Variants in B3GLCT observed in about 807,000 individuals in gnomAD.
The protein encoded by B3GLCT is beta-1,3-glucosyltransferase.
In B3GLCT, 65 loss-of-function variants were observed where a neutral mutation model predicts 63.4. That is an observed-to-expected ratio of 1.03 (90% CI 0.84 to 1.26). B3GLCT has a LOEUF of 1.26. Among genes scored for constraint, B3GLCT ranks in the 50% most tolerant of loss-of-function variants. The pLI is 0.00. For missense variants in B3GLCT, 577 were observed against 604.8 expected, an observed-to-expected ratio of 0.95 and a Z score of 0.48; for synonymous variants, 233 against 219.2, an observed-to-expected ratio of 1.06 and a Z score of -0.55.
At chr13:31,280,776 T>G (rs977801821) in intron 10 of B3GLCT, among the ~76,000 whole-genome samples, 1 of 152,220 alleles carries the variant, frequency 6.6e-6, no homozygotes, top group Non-Finnish European at 1.5e-5. Context: ...CTGACTTAAG[T>G]GAAACAGCAT....
At chr13:31,262,256 C>G (rs1872069664) in intron 7 of B3GLCT, among the ~76,000 whole-genome samples, 2 of 152,206 alleles carry the variant, frequency 1.3e-5, no homozygotes, top group Non-Finnish European at 2.9e-5. Flanking sequence ...CATGAGCCAT[C>G]TATATGCTTT....
At chr13:31,281,580 C>T (rs906054262) in intron 10 of B3GLCT, among the ~76,000 whole-genome samples, 1 of 152,146 alleles carries the variant, frequency 6.6e-6, no homozygotes, top group Non-Finnish European at 1.5e-5. Flanking sequence ...GATTGCCCTA[C>T]AGTGTTGTGT....
In B3GLCT at chr13:31,329,633, C is replaced by A. The variant is rs1399744680; in HGVS notation, c.1462C>A (p.Gln488Lys). ...LAPSDEDKAR[Q>K]ETQKGFREEL ...ACCCAGTGACGAAGACAAAGCCAGG[C>A]AGGAGACACAGAAAGGTTTTCGAGA... The change falls in exon 15 of 15, where the codon CAG becomes AAG. Residue 488 changes from glutamine to lysine, a missense_variant. Physicochemically the swap from Gln to Lys is moderately conservative, Grantham distance 53. Coordinates refer to ENST00000343307, the MANE Select transcript of B3GLCT (RefSeq NM_194318.4). The A allele has an allele frequency of 6.2e-7, 1 of 1,614,182 alleles. No individual in the cohort carries two copies. The highest frequency in any genetic ancestry group is 8.5e-7 in the Non-Finnish European group (1 of 1,180,048).
intron 4 of B3GLCT, among the ~76,000 whole-genome samples, chr13:31,245,020 A>T (rs1871134374): frequency 6.6e-6 from 1 of 152,164 alleles, no homozygotes; most frequent in Non-Finnish European, 1.5e-5. Flanking sequence ...GTGTTCACAA[A>T]CTGAAGCAAA....
chr13:31,256,144 C>T (rs1871727686), intron 6 of B3GLCT, among the ~76,000 whole-genome samples: 1 of 152,128 alleles, frequency 6.6e-6, no homozygotes, highest in Non-Finnish European at 1.5e-5. Context: ...ACAGACAATT[C>T]TCAAGACATT....
chr13:31,259,107 T>C (rs917442484), intron 6 of B3GLCT, among the ~76,000 whole-genome samples: 2 of 152,234 alleles, frequency 1.3e-5, no homozygotes, highest in African/African-American at 4.8e-5. Flanking sequence ...TTCATTTGGC[T>C]CTTGTTTATA....
At chr13:31,256,109 A>G (rs892993928) in intron 6 of B3GLCT, among the ~76,000 whole-genome samples, 4 of 152,216 alleles carry the variant, frequency 2.6e-5, no homozygotes, top group Admixed American at 2.0e-4. Context: ...AAAGAACGCC[A>G]TCAAAAAGTA....
chr13:31,257,380 G>A (rs932749), intron 6 of B3GLCT, among the ~76,000 whole-genome samples: 59,459 of 151,368 alleles, frequency 0.39, 12,347 homozygotes, highest in Non-Finnish European at 0.47. Flanking sequence ...TTTTTTTAAG[G>A]TGTTGTATTT....
At chr13:31,279,746 G>T (rs1397123201) in intron 10 of B3GLCT, among the ~76,000 whole-genome samples, 1 of 152,144 alleles carries the variant, frequency 6.6e-6, no homozygotes, top group Non-Finnish European at 1.5e-5. Context: ...TTATTACGCA[G>T]GAATTTCCTC....
chr13:31,243,928 A>G (rs989727505), intron 4 of B3GLCT, among the ~76,000 whole-genome samples: 2 of 152,170 alleles, frequency 1.3e-5, no homozygotes, highest in African/African-American at 4.8e-5. Context: ...ATTTATCCAT[A>G]TTTGATCATT....
chr13:31,245,433 A>G lies in B3GLCT; in HGVS notation c.271-1590A>G, dbSNP rs1052203201. Among the ~76,000 whole-genome samples, 3 of 152,164 alleles carry G rather than the reference A, an allele frequency of 2.0e-5. No homozygotes were observed. The East Asian group carries it at 5.8e-4, about 29-fold the overall frequency. ...TAATTGAAGGATTTTTAAAGCATAT[A>G]TCTCATTGTTCTATCATCTTGACAC... On this transcript the variant is annotated intron_variant, in intron 4 of 14. Transcript: ENST00000343307.
intron 12 of B3GLCT, among the ~76,000 whole-genome samples, chr13:31,316,040 G>A (rs746616262): frequency 3.5e-4 from 53 of 152,272 alleles, no homozygotes; most frequent in Admixed American, 6.5e-4. Flanking sequence ...GAGAATGTAC[G>A]GAAATACCTG....
At chr13:31,266,085 A>AC (rs1207899909) in intron 7 of B3GLCT, among the ~76,000 whole-genome samples, 1 of 151,174 alleles carries the variant, frequency 6.6e-6, no homozygotes, top group Admixed American at 6.6e-5. Context: ...TGCAAGTTCC[A>AC]CCCCCGGGTT....
At chr13:31,246,958 T>TTTTTTTTTTTTTTTTTTTTA in intron 4 of B3GLCT, 65 bp from the exon 5 acceptor site, 1 of 1,101,514 alleles carries the variant, frequency 9.1e-7, no homozygotes, top group Non-Finnish European at 1.3e-6. Flanking sequence ...TTTCTTTTTT[T>TTTTTTTTTTTTTTTTTTTTA]TTTTTTTTAC....
intron 4 of B3GLCT, among the ~76,000 whole-genome samples, chr13:31,242,199 G>C (rs1448684999): frequency 6.6e-6 from 1 of 152,132 alleles, no homozygotes; most frequent in African/African-American, 2.4e-5. Context: ...CTTGCAGGTG[G>C]GGCCATGATC....
Position 31,323,747 on chromosome 13 carries a change from C to T in B3GLCT, c.1185-4C>T. The T allele has an allele frequency of 1.2e-6, 2 of 1,614,120 alleles. No homozygotes were observed. Among genetic ancestry groups the T allele is most frequent in the Non-Finnish European group, 1.7e-6 (2 of 1,180,002 alleles). ...ACCCCTTTCTCTGCTCTGGCTCCCA[C>T]TAGAATGGTCTTCAGCAGAGAAGCC... On this transcript the variant is annotated splice_polypyrimidine_tract_variant and splice_region_variant and intron_variant, in intron 13 of 14. Transcript: ENST00000343307.
At chr13:31,235,392 G>A (rs149709311) in intron 4 of B3GLCT, among the ~76,000 whole-genome samples, 2 of 152,232 alleles carry the variant, frequency 1.3e-5, no homozygotes, top group African/African-American at 4.8e-5. Flanking sequence ...CTGCTTCCAG[G>A]GGAAGCCATG....
At chr13:31,327,432 C>T (rs1341656632) in intron 14 of B3GLCT, among the ~76,000 whole-genome samples, 2 of 152,156 alleles carry the variant, frequency 1.3e-5, no homozygotes, top group Admixed American at 1.3e-4. Flanking sequence ...GTGGGACACC[C>T]CAGATTTCAT....
rs377221912 is a variant in B3GLCT, at chr13:31,206,723, C to T, written c.70+6569C>T. ...TTGCACTCCAGCCCGGGCGACAGTG[C>T]GAGACTCCATCTCAGAAAACAAAAA... On this transcript the variant is annotated intron_variant, in intron 1 of 14. Coordinates refer to ENST00000343307, the MANE Select transcript of B3GLCT (RefSeq NM_194318.4). 3.8e-4 allele frequency among the ~76,000 whole-genome samples: 57 copies of T among 151,964 alleles called. 1 individual carries two copies. The East Asian group carries it at 9.3e-3, about 25-fold the overall frequency.
Sources: allele counts gnomAD v4.1 joint callset (sites outside exome capture counted in the v4.1 genomes callset), GRCh38; gene constraint gnomAD v4.1.1; transcripts MANE v1.5; gene names NCBI Gene and HGNC (gene_info 2026-07-23, HGNC 2026-07-21).